PDLIM5: variants seen among roughly 807,000 people sequenced by gnomAD.
The protein encoded by PDLIM5 is PDZ and LIM domain protein 5.
A neutral mutation model predicts 64.2 loss-of-function variants in PDLIM5; 34 were observed. The observed-to-expected ratio is 0.53, with a 90% CI of 0.40 to 0.71. The LOEUF (loss-of-function observed/expected upper bound fraction) is 0.71, where lower values mean the gene tolerates loss of function less well. Ranked by LOEUF, PDLIM5 falls within the 30% of genes least tolerant of loss-of-function variation. PDLIM5 has a pLI of 0.00. For synonymous variants in PDLIM5, 253 were observed against 269.1 expected (o/e 0.94, Z 0.59); for missense variants, 683 against 733.6 (o/e 0.93, Z 0.80).
At chr4:94,508,388 TCTAAC>T (rs373197323) in intron 2 of PDLIM5, among the ~76,000 whole-genome samples, 16 of 152,166 alleles carry the variant, frequency 1.1e-4, no homozygotes, top group African/African-American at 3.9e-4. Flanking sequence ...TGGTGGAAGT[TCTAAC>T]CTAAACAAAG....
At chr4:94,611,062 T>C in intron 7 of PDLIM5, 4 of 1,531,928 alleles carry the variant, frequency 2.6e-6, no homozygotes, top group Non-Finnish European at 3.5e-6. Flanking sequence ...TTCTAAATGC[T>C]TACCAGGCTC....
rs752999281 is a variant in PDLIM5 at position 94,640,457 on chromosome 4, T to C, written c.1283+7T>C. Reference sequence around the variant, plus strand: ...ATTGTAACCAGGTCATCAGGTTGGTTGTTTTTTGAAATTTTCTTGAAAGTA... The same window carrying C: ...ATTGTAACCAGGTCATCAGGTTGGTCGTTTTTTGAAATTTTCTTGAAAGTA... On this transcript the variant is annotated splice_region_variant and intron_variant, in intron 9 of 12. Coordinates refer to ENST00000317968, the MANE Select transcript of PDLIM5 (RefSeq NM_006457.5). The C allele has an allele frequency of 1.3e-6, 2 of 1,550,192 alleles. No individual in the cohort carries two copies. Among genetic ancestry groups the C allele is most frequent in the South Asian group, 2.4e-5 (2 of 82,558 alleles).
At chr4:94,521,359 G>T (rs926781236) in intron 2 of PDLIM5, among the ~76,000 whole-genome samples, 2 of 152,044 alleles carry the variant, frequency 1.3e-5, no homozygotes, top group South Asian at 4.1e-4. Flanking sequence ...ATAGGCAAGA[G>T]CAATGTGAAA....
intron 7 of PDLIM5, among the ~76,000 whole-genome samples, chr4:94,603,569 A>T (rs571189923): frequency 4.6e-4 from 70 of 152,260 alleles, no homozygotes; most frequent in African/African-American, 1.5e-3. Flanking sequence ...GTTTATTAGG[A>T]CATACATACA....
intron 11 of PDLIM5, among the ~76,000 whole-genome samples, chr4:94,662,013 G>T (rs574912214): frequency 2.6e-5 from 4 of 152,146 alleles, no homozygotes; most frequent in East Asian, 3.9e-4. Context: ...TAGAGACGGG[G>T]TTTCACCACT....
At chr4:94,634,927 A>G (rs1292898707) in intron 8 of PDLIM5, among the ~76,000 whole-genome samples, 1 of 152,154 alleles carries the variant, frequency 6.6e-6, no homozygotes, top group Non-Finnish European at 1.5e-5. Context: ...TAACTTAACA[A>G]ATTTATACAT....
chr4:94,492,144 A>G (rs1472194789), intron 2 of PDLIM5, among the ~76,000 whole-genome samples: 6 of 124,544 alleles, frequency 4.8e-5, no homozygotes, highest in African/African-American at 8.8e-5. Flanking sequence ...CCCATTTCCC[A>G]TGAGTTAATG....
At chr4:94,515,803 T>C (rs1037613612) in intron 2 of PDLIM5, among the ~76,000 whole-genome samples, 14 of 152,232 alleles carry the variant, frequency 9.2e-5, no homozygotes, top group African/African-American at 3.1e-4. Flanking sequence ...TTTTAGTCTT[T>C]ATAATTATTT....
intron 3 of PDLIM5, among the ~76,000 whole-genome samples, chr4:94,569,362 C>G (rs149576389): frequency 1.0e-4 from 15 of 144,498 alleles, no homozygotes; most frequent in Middle Eastern, 3.5e-3. Context: ...TAGACAGAGT[C>G]TTGCTGGAGT....
rs187321997 is a variant in PDLIM5, at chr4:94,617,074, G to A, written c.921-930G>A. Among the ~76,000 whole-genome samples, 3 of 152,296 alleles carry A rather than the reference G, an allele frequency of 2.0e-5. No individual in the cohort carries two copies. The East Asian group carries it at 5.8e-4, about 29-fold the overall frequency. On this transcript the variant is annotated intron_variant, in intron 7 of 12. Coordinates refer to ENST00000317968, the MANE Select transcript of PDLIM5 (RefSeq NM_006457.5). The stretch of plus-strand genomic sequence containing the variant: ...GCTGGGATTACAGGCATGTGCCACT[G>A]CACCCAGCCTGAAAGTATTACTTTT...
intron 3 of PDLIM5, among the ~76,000 whole-genome samples, chr4:94,530,947 C>T (rs1196154927): frequency 4.6e-5 from 7 of 152,134 alleles, no homozygotes; most frequent in African/African-American, 1.7e-4. Flanking sequence ...TCTGCTGTTT[C>T]TTTCACCAAT....
intron 9 of PDLIM5, 37 bp downstream of exon 9, chr4:94,640,487 A>G (rs770897561): frequency 1.7e-5 from 22 of 1,312,980 alleles, no homozygotes; most frequent in Non-Finnish European, 2.1e-5. Context: ...AAAGTACTTA[A>G]TATCAATGTT....
At chr4:94,623,039 T>G (rs1158284540) in intron 8 of PDLIM5, among the ~76,000 whole-genome samples, 1 of 152,178 alleles carries the variant, frequency 6.6e-6, no homozygotes, top group East Asian at 1.9e-4. Context: ...AATCAAATGA[T>G]ATAACTAGGC....
chr4:94,595,441 T>G (rs1363336907), intron 7 of PDLIM5, among the ~76,000 whole-genome samples: 3 of 152,224 alleles, frequency 2.0e-5, no homozygotes, highest in African/African-American at 7.2e-5. Flanking sequence ...GTAGGCTATC[T>G]TCTAGCACCA....
chr4:94,553,510 T>A (rs191610317), intron 3 of PDLIM5, among the ~76,000 whole-genome samples: 1 of 152,352 alleles, frequency 6.6e-6, no homozygotes, highest in Non-Finnish European at 1.5e-5. Flanking sequence ...ATTTTAAAAA[T>A]CCGTATTCAA....
rs769207474 is a variant in PDLIM5 at position 94,657,536 on chromosome 4, A to G, written c.1574A>G (p.Tyr525Cys). 4.3e-6 allele frequency: 7 copies of G among 1,610,938 alleles called. No homozygotes were observed. Among genetic ancestry groups the G allele is most frequent in the South Asian group, 2.2e-5 (2 of 90,924 alleles). Residue 525 changes from tyrosine to cysteine, a missense_variant, in exon 11 of 13, where the codon TAC (tyrosine) becomes TGC (cysteine). Physicochemically the swap from Tyr to Cys is radical, Grantham distance 194 (BLOSUM62 -2). Coordinates refer to ENST00000317968, the MANE Select transcript of PDLIM5 (RefSeq NM_006457.5). ...NVFHLEDGEP[Y>C]CETDYYALFG... The stretch of plus-strand genomic sequence containing the variant: ...TTTCACTTGGAGGATGGTGAACCCT[A>G]CTGTGAGACTGGTAAGATCAGGGAG...
At chr4:94,615,557 A>G (rs890438247) in intron 7 of PDLIM5, among the ~76,000 whole-genome samples, 1 of 152,186 alleles carries the variant, frequency 6.6e-6, no homozygotes, top group African/African-American at 2.4e-5. Context: ...AGGGGTGGCC[A>G]GAATATAGTT....
intron 8 of PDLIM5, among the ~76,000 whole-genome samples, chr4:94,627,732 A>AAAG (rs1383522522): frequency 6.6e-6 from 1 of 152,240 alleles, no homozygotes; most frequent in East Asian, 1.9e-4. Context: ...CTTTACAGAA[A>AAAG]AAGTTTTGTT....
In PDLIM5 at chr4:94,585,689, C is replaced by T; in HGVS notation, c.835C>T (p.Gln279Ter). Reference sequence around the variant, plus strand: ...CTGGCGTCCAAGGACTGGAACAACTCAGTCTCGCTCTTTCCGAATCCTTGC... The same window carrying T: ...CTGGCGTCCAAGGACTGGAACAACTTAGTCTCGCTCTTTCCGAATCCTTGC... ...EDWRPRTGTT[Q>*]SRSFRILAQI... is the part of the protein sequence containing the mutation. Residue 279 changes from glutamine to a stop codon, truncating the protein, a stop_gained, in exon 6 of 13, where the codon CAG becomes TAG. Coordinates refer to ENST00000317968, the MANE Select transcript of PDLIM5 (RefSeq NM_006457.5). LOFTEE classifies it high-confidence loss of function. 6.2e-7 allele frequency: 1 copy of T among 1,613,874 alleles called. No homozygotes were observed. The highest frequency in any genetic ancestry group is 8.5e-7 in the Non-Finnish European group (1 of 1,179,876).
Sources: allele counts gnomAD v4.1 joint callset (sites outside exome capture counted in the v4.1 genomes callset), GRCh38; gene constraint gnomAD v4.1.1; transcripts MANE v1.5; gene names NCBI Gene and HGNC (gene_info 2026-07-23, HGNC 2026-07-21).